The following FGF12 variants were observed in gnomAD, a reference collection of about 807,000 sequenced individuals.
The protein encoded by FGF12 is fibroblast growth factor 12.
In FGF12, 14 loss-of-function variants were observed where a neutral mutation model predicts 23.6. The ratio of observed to expected loss-of-function variants is 0.59; its 90% CI spans 0.39 to 0.93. FGF12 has a LOEUF of 0.93. Ranked by LOEUF, FGF12 falls within the 40% of genes least tolerant of loss-of-function variation. The pLI, the probability that FGF12 is intolerant of heterozygous loss-of-function variation, is 0.00. For synonymous variants in FGF12, 62 were observed against 77.3 expected, an observed-to-expected ratio of 0.80 and a Z score of 1.04; for missense variants, 175 against 217.8, an observed-to-expected ratio of 0.80 and a Z score of 1.24.
intron 4 of FGF12, among the ~76,000 whole-genome samples, chr3:192,294,950 C>G (rs1353447016): frequency 1.3e-5 from 2 of 152,078 alleles, no homozygotes; most frequent in Admixed American, 1.3e-4. Context: ...GCCCATAAGA[C>G]CCTAACTTAA....
chr3:192,287,571 C>T (rs1212383480), intron 4 of FGF12, among the ~76,000 whole-genome samples: 4 of 151,962 alleles, frequency 2.6e-5, no homozygotes, highest in Non-Finnish European at 2.9e-5. Context: ...AAAAGCCAGC[C>T]AAAATAGTAA....
intron 2 of FGF12, among the ~76,000 whole-genome samples, chr3:192,462,779 G>C (rs1722900125): frequency 6.6e-6 from 1 of 151,850 alleles, no homozygotes; most frequent in Non-Finnish European, 1.5e-5. Context: ...ATTTTAAAAA[G>C]GACTTTATGT....
intron 2 of FGF12, among the ~76,000 whole-genome samples, chr3:192,448,056 A>T (rs149198814): frequency 3.9e-4 from 59 of 152,180 alleles, no homozygotes; most frequent in Admixed American, 3.8e-3. Flanking sequence ...ATTCATTTTC[A>T]TTTCTTCAAA....
chr3:192,696,902 A>C (rs972438528), intron 2 of FGF12, among the ~76,000 whole-genome samples: 9 of 152,134 alleles, frequency 5.9e-5, no homozygotes, highest in Non-Finnish European at 1.5e-5. Flanking sequence ...AAAGCTTTAT[A>C]AACTGTAATG....
chr3:192,627,984 A>C (rs1367652393), intron 2 of FGF12, among the ~76,000 whole-genome samples: 1 of 151,720 alleles, frequency 6.6e-6, no homozygotes, highest in Non-Finnish European at 1.5e-5. Flanking sequence ...TTATAAACAT[A>C]CTCTCCTTTC....
rs1035633480 is a variant in FGF12, at chr3:192,141,767, T to C, written c.*2242A>G. 6.7e-6 allele frequency: 1 copy of C among 148,610 alleles called. No individual in the cohort carries two copies. The highest frequency in any genetic ancestry group is 1.5e-5 in the Non-Finnish European group (1 of 66,672). The allele number at this position is 148,610 out of a possible 1,614,324, so 9.2% of individuals were successfully genotyped here. The stretch of plus-strand genomic sequence containing the variant: ...AATTGATTTTTATGATTTGCATCAA[T>C]TGTGTTATTTATGAAACCATCGTTT... On this transcript the variant is annotated 3_prime_UTR_variant, in exon 6 of 6. Transcript: ENST00000445105.
intron 2 of FGF12, among the ~76,000 whole-genome samples, chr3:192,387,217 G>C (rs1301927719): frequency 6.6e-6 from 1 of 152,048 alleles, no homozygotes; most frequent in Non-Finnish European, 1.5e-5. Context: ...CTGAGGAGCT[G>C]GTTAATATTC....
intron 4 of FGF12, among the ~76,000 whole-genome samples, chr3:192,311,094 AT>A (rs1294051225): frequency 1.3e-5 from 2 of 152,212 alleles, no homozygotes; most frequent in Non-Finnish European, 2.9e-5. Context: ...TTAAATTGAC[AT>A]TTTAGCTTTT....
chr3:192,246,590 G>A (rs542858946), intron 4 of FGF12, among the ~76,000 whole-genome samples: 3 of 152,172 alleles, frequency 2.0e-5, no homozygotes, highest in Admixed American at 6.5e-5. Flanking sequence ...TTGGGAGACC[G>A]AGGTGGGTGG....
chr3:192,485,206 C>A (rs1002852154), intron 2 of FGF12, among the ~76,000 whole-genome samples: 1 of 152,132 alleles, frequency 6.6e-6, no homozygotes, highest in African/African-American at 2.4e-5. Flanking sequence ...TCTAAGGCAT[C>A]TGAGCAATGA....
chr3:192,617,014 A>AT (rs1234902716), intron 2 of FGF12, among the ~76,000 whole-genome samples: 1 of 151,936 alleles, frequency 6.6e-6, no homozygotes, highest in Non-Finnish European at 1.5e-5. Context: ...TTAAAAGTAT[A>AT]TTTTTTCATG....
chr3:192,321,536 T>C (rs1486205799), intron 4 of FGF12, among the ~76,000 whole-genome samples: 2 of 147,862 alleles, frequency 1.4e-5, no homozygotes, highest in South Asian at 2.1e-4. Context: ...TATAGGCTAG[T>C]GTCTCTGTTG....
In FGF12 at chr3:192,280,257, C is replaced by A. The variant is rs577695691; in HGVS notation, c.228+55104G>T. Among the ~76,000 whole-genome samples the A allele has an allele frequency of 2.0e-4, 31 of 152,070 alleles. 1 individual carries two copies. In the South Asian group the frequency reaches 5.2e-3, roughly 25 times the overall value. On this transcript the variant is annotated intron_variant, in intron 4 of 5. Coordinates refer to ENST00000445105, the MANE Select transcript of FGF12 (RefSeq NM_004113.6). ...TCCAAACAAATGTTAGTTAATGGAG[C>A]AGATAACACATTTATTTCCTTGTCA...
intron 4 of FGF12, among the ~76,000 whole-genome samples, chr3:192,222,173 G>A (rs181452792): frequency 1.4e-4 from 21 of 152,208 alleles, no homozygotes; most frequent in Non-Finnish European, 2.4e-4. Flanking sequence ...CCATGAACAT[G>A]GGAATGAGTA....
intron 4 of FGF12, among the ~76,000 whole-genome samples, chr3:192,211,274 G>A (rs1277968036): frequency 6.6e-6 from 1 of 152,164 alleles, no homozygotes; most frequent in African/African-American, 2.4e-5. Context: ...ATGCTTTTGA[G>A]AGTTGTGGTG....
intron 2 of FGF12, among the ~76,000 whole-genome samples, chr3:192,460,071 AAAG>A (rs1443301947): frequency 6.6e-6 from 1 of 152,204 alleles, no homozygotes. Context: ...AAATACTTAC[AAAG>A]AAGAGTTGGT....
At chr3:192,688,436 A>G (rs1203605755) in intron 2 of FGF12, among the ~76,000 whole-genome samples, 3 of 152,212 alleles carry the variant, frequency 2.0e-5, no homozygotes. Context: ...GCACGCATCA[A>G]ATGCTACATT....
At chr3:192,163,726 T>C (rs75203565) in intron 5 of FGF12, among the ~76,000 whole-genome samples, 10,549 of 152,080 alleles carry the variant, frequency 0.069, 433 homozygotes, top group African/African-American at 0.11. Flanking sequence ...GTTTGGGAAA[T>C]GACAGTTTAC....
intron 2 of FGF12, among the ~76,000 whole-genome samples, chr3:192,405,467 G>T (rs1230114850): frequency 6.6e-6 from 1 of 151,080 alleles, no homozygotes; most frequent in Non-Finnish European, 1.5e-5. Flanking sequence ...TCTGGTCAAT[G>T]GAACATGTGT....
Sources: gnomAD v4.1 joint callset for allele counts (sites outside exome capture counted in the v4.1 genomes callset) on GRCh38, gnomAD v4.1.1 for gene constraint, MANE v1.5 for transcripts, NCBI Gene and HGNC (gene_info 2026-07-23, HGNC 2026-07-21) for gene names.